The following SAMD12 variants were observed in gnomAD, a reference collection of about 807,000 sequenced individuals.
SAMD12 encodes the protein sterile alpha motif domain-containing protein 12.
In SAMD12, 9 loss-of-function variants were observed where a neutral mutation model predicts 15.0. The observed-to-expected ratio is 0.60, with a 90% CI of 0.36 to 1.05. The LOEUF (loss-of-function observed/expected upper bound fraction) is 1.05, where lower values mean the gene tolerates loss of function less well. Ranked by LOEUF, SAMD12 falls within the 50% of genes least tolerant of loss-of-function variation. The pLI is 0.01. For missense variants in SAMD12, 230 were observed against 234.2 expected, an observed-to-expected ratio of 0.98 and a Z score of 0.12; for synonymous variants, 86 against 90.1, an observed-to-expected ratio of 0.96 and a Z score of 0.25.
rs1193686056 is a variant in SAMD12 at position 118,251,897 on chromosome 8, G to T, written c.434-54165C>A. The stretch of plus-strand genomic sequence containing the variant: ...CGACAGCTGAGGAGTCTTCCTCGGG[G>T]AAACAAAATATTCAGTTGACTGAAT... On this transcript the variant is annotated intron_variant, in intron 4 of 4. Transcript: ENST00000409003. Among the ~76,000 whole-genome samples the T allele has an allele frequency of 2.0e-5, 3 of 151,466 alleles. No individual in the cohort carries two copies. The East Asian group carries it at 5.8e-4, about 29-fold the overall frequency.
intron 4 of SAMD12, among the ~76,000 whole-genome samples, chr8:118,313,894 T>C (rs1563755255): frequency 6.6e-6 from 1 of 152,032 alleles, no homozygotes; most frequent in African/African-American, 2.4e-5. Context: ...CTTGTGTGTG[T>C]GTATGTGTGT....
chr8:118,410,716 G>C (rs1821368665), intron 3 of SAMD12, among the ~76,000 whole-genome samples: 1 of 152,152 alleles, frequency 6.6e-6, no homozygotes, highest in Admixed American at 6.5e-5. Context: ...CCCGAGAATG[G>C]CTTCAGTTAA....
chr8:118,223,962 ATTGCAATATAT>A (rs1213231829), intron 4 of SAMD12, among the ~76,000 whole-genome samples: 1 of 152,198 alleles, frequency 6.6e-6, no homozygotes, highest in Non-Finnish European at 1.5e-5. Context: ...AAGGGTAACA[ATTGCAATATAT>A]GTGCAATTAA....
chr8:118,181,996 C>T, the SAMD12 span, among the ~76,000 whole-genome samples: 5 of 152,200 alleles, frequency 3.3e-5, no homozygotes, highest in Non-Finnish European at 5.9e-5. Context: ...TAAACTGAGA[C>T]CACATTATTT....
chr8:118,610,688 C>A (rs1828088445), intron 1 of SAMD12, among the ~76,000 whole-genome samples: 1 of 152,176 alleles, frequency 6.6e-6, no homozygotes, highest in Non-Finnish European at 1.5e-5. Context: ...CGGTTGTAGG[C>A]ACTGCTGATA....
the SAMD12 span, among the ~76,000 whole-genome samples, chr8:118,158,170 G>C: frequency 6.6e-6 from 1 of 152,174 alleles, no homozygotes; most frequent in African/African-American, 2.4e-5. Context: ...GGTACATCTT[G>C]CATATTCACC....
intron 4 of SAMD12, among the ~76,000 whole-genome samples, chr8:118,370,104 C>T (rs556798007): frequency 2.0e-5 from 3 of 151,954 alleles, no homozygotes; most frequent in Admixed American, 6.6e-5. Flanking sequence ...AACAAACAAC[C>T]CCATTAAAAA....
At chr8:118,557,516 C>T (rs1331347983) in intron 2 of SAMD12, among the ~76,000 whole-genome samples, 4 of 152,110 alleles carry the variant, frequency 2.6e-5, no homozygotes, top group African/African-American at 9.7e-5. Context: ...TGAAATGAGT[C>T]TTTAAAGATG....
At chr8:118,425,100 A>G (rs550382520) in intron 3 of SAMD12, among the ~76,000 whole-genome samples, 70 of 152,104 alleles carry the variant, frequency 4.6e-4, no homozygotes, top group Admixed American at 3.5e-3. Flanking sequence ...CACCACGCCC[A>G]GCTAATTTTT....
chr8:118,270,602 T>C (rs1813332032), intron 4 of SAMD12, among the ~76,000 whole-genome samples: 1 of 152,206 alleles, frequency 6.6e-6, no homozygotes, highest in Non-Finnish European at 1.5e-5. Flanking sequence ...TGTAGCACAT[T>C]GAAAGAAAAC....
chr8:118,171,377 T>C, the SAMD12 span, among the ~76,000 whole-genome samples: 1 of 152,158 alleles, frequency 6.6e-6, no homozygotes, highest in African/African-American at 2.4e-5. Context: ...CACATAAAAA[T>C]GTGTAGATGA....
At chr8:118,258,611 C>T (rs1813006922) in intron 4 of SAMD12, among the ~76,000 whole-genome samples, 1 of 151,984 alleles carries the variant, frequency 6.6e-6, no homozygotes, top group South Asian at 2.1e-4. Context: ...GATCCATTAC[C>T]CCCCCTCATA....
the SAMD12 span, among the ~76,000 whole-genome samples, chr8:118,132,978 A>ATATATATATAT: frequency 3.0e-4 from 4 of 13,218 alleles, no homozygotes; most frequent in Admixed American, 2.0e-3. Context: ...GTGTGTATAT[A>ATATATATATAT]TATATATATA....
At chr8:118,306,668 G>A (rs925000036) in intron 4 of SAMD12, among the ~76,000 whole-genome samples, 2 of 152,170 alleles carry the variant, frequency 1.3e-5, no homozygotes, top group Admixed American at 6.5e-5. Context: ...TACATGAGCA[G>A]CAAATAAAAT....
chr8:118,255,511 C>G (rs1279804270), intron 4 of SAMD12, among the ~76,000 whole-genome samples: 9 of 109,952 alleles, frequency 8.2e-5, no homozygotes, highest in Non-Finnish European at 1.6e-4. Context: ...CCCCTCCCCC[C>G]ACCCCACAAC....
At chr8:118,430,575 T>G (rs914175618) in intron 3 of SAMD12, among the ~76,000 whole-genome samples, 3 of 152,132 alleles carry the variant, frequency 2.0e-5, no homozygotes, top group African/African-American at 7.2e-5. Context: ...TTGGCCAGGA[T>G]GGTCTCAATC....
At chr8:118,410,805 T>C (rs894232794) in intron 3 of SAMD12, among the ~76,000 whole-genome samples, 8 of 152,174 alleles carry the variant, frequency 5.3e-5, no homozygotes, top group African/African-American at 1.4e-4. Flanking sequence ...AATATGAAAA[T>C]ATGGCTCCTT....
At chr8:118,488,736 A>G (rs528624006) in intron 2 of SAMD12, among the ~76,000 whole-genome samples, 12 of 152,154 alleles carry the variant, frequency 7.9e-5, no homozygotes, top group Non-Finnish European at 1.6e-4. Context: ...AGTTGGTTTT[A>G]GTTTTTTCCT....
At chr8:118,548,406 CA>C (rs1826196213) in intron 2 of SAMD12, among the ~76,000 whole-genome samples, 8 of 151,314 alleles carry the variant, frequency 5.3e-5, no homozygotes, top group Admixed American at 2.6e-4. Context: ...CACACACACA[CA>C]CACACACACA....
Sources: gnomAD v4.1 joint callset for allele counts (sites outside exome capture counted in the v4.1 genomes callset) on GRCh38, gnomAD v4.1.1 for gene constraint, MANE v1.5 for transcripts, NCBI Gene and HGNC (gene_info 2026-07-23, HGNC 2026-07-21) for gene names.